The following GALNT17 variants were observed in gnomAD, a reference collection of about 807,000 sequenced individuals.
GALNT17 encodes UDP-GalNAc:polypeptide N-acetylgalactosaminyltransferase-like 3.
A neutral mutation model predicts 63.7 loss-of-function variants in GALNT17; 29 were observed. The observed-to-expected ratio is 0.46, with a 90% CI of 0.34 to 0.62. The LOEUF (loss-of-function observed/expected upper bound fraction) is 0.62. Among genes scored for constraint, GALNT17 ranks in the 20% least tolerant of loss-of-function variants. GALNT17 has a pLI of 0.01. For synonymous variants in GALNT17, 305 were observed against 318.3 expected (o/e 0.96, Z 0.45); for missense variants, 603 against 799.6 (o/e 0.75, Z 2.97).
intron 4 of GALNT17, among the ~76,000 whole-genome samples, chr7:71,417,327 G>A (rs1786553799): frequency 6.6e-6 from 1 of 152,152 alleles, no homozygotes; most frequent in Non-Finnish European, 1.5e-5. Context: ...CAGGGCCACT[G>A]ATAACACTGA....
chr7:71,350,355 A>G (rs1325915588), intron 2 of GALNT17, among the ~76,000 whole-genome samples: 1 of 152,184 alleles, frequency 6.6e-6, no homozygotes, highest in Non-Finnish European at 1.5e-5. Context: ...GAGACAGATG[A>G]TAAACTGGGA....
intron 5 of GALNT17, among the ~76,000 whole-genome samples, chr7:71,566,864 G>C (rs1378859445): frequency 6.6e-6 from 1 of 152,114 alleles, no homozygotes. Context: ...GGAAAGCCAG[G>C]ATTCCTGGGT....
At chr7:71,284,464 G>C (rs922339971) in intron 1 of GALNT17, 1 of 152,142 alleles carries the variant, frequency 6.6e-6, no homozygotes, top group Non-Finnish European at 1.5e-5. Flanking sequence ...CCAAAGTGCT[G>C]GGATTACAGG....
At chr7:71,524,743 T>C (rs1788596397) in intron 5 of GALNT17, among the ~76,000 whole-genome samples, 1 of 152,212 alleles carries the variant, frequency 6.6e-6, no homozygotes, top group South Asian at 2.1e-4. Context: ...GAAATTAACA[T>C]GGCCTTATTT....
At chr7:71,147,824 G>A (rs1045798944) in intron 1 of GALNT17, among the ~76,000 whole-genome samples, 13 of 151,896 alleles carry the variant, frequency 8.6e-5, no homozygotes, top group African/African-American at 3.1e-4. Context: ...GTAGAGATGA[G>A]GTTTCACTAT....
rs574515796 is a variant in GALNT17 at position 71,643,775 on chromosome 7, C to T, written c.1081-21636C>T. Among the ~76,000 whole-genome samples the T allele has an allele frequency of 7.0e-4, 107 of 151,950 alleles. 1 individual carries two copies. The highest frequency in any genetic ancestry group is 2.5e-3 in the African/African-American group (102 of 41,482). On this transcript the variant is annotated intron_variant, in intron 6 of 10. Coordinates refer to ENST00000333538, the MANE Select transcript of GALNT17 (RefSeq NM_022479.3). ...CCAGGCCTAGAAGATATGCCAGACA[C>T]GGTGTTAGGAGAGAAAGAACAAAGC...
At chr7:71,662,470 A>G (rs1172020170) in intron 6 of GALNT17, among the ~76,000 whole-genome samples, 2 of 152,242 alleles carry the variant, frequency 1.3e-5, no homozygotes, top group South Asian at 2.1e-4. Context: ...GAGCTGTGCA[A>G]AGTTCACCAC....
chr7:71,482,207 T>A (rs1222835139), intron 5 of GALNT17, among the ~76,000 whole-genome samples: 1 of 149,704 alleles, frequency 6.7e-6, no homozygotes, highest in Non-Finnish European at 1.5e-5. Context: ...TGGAGTGCAG[T>A]GGTGCGATCT....
At chr7:71,513,441 A>G (rs1788396244) in intron 5 of GALNT17, among the ~76,000 whole-genome samples, 1 of 151,730 alleles carries the variant, frequency 6.6e-6, no homozygotes, top group Non-Finnish European at 1.5e-5. Flanking sequence ...GCTGGAGTGC[A>G]GTGGCACCAT....
At chr7:71,643,055 C>T (rs1766595342) in intron 6 of GALNT17, among the ~76,000 whole-genome samples, 2 of 152,260 alleles carry the variant, frequency 1.3e-5, no homozygotes, top group Admixed American at 6.5e-5. Flanking sequence ...TGATGAACTT[C>T]GTCGATAGGA....
chr7:71,652,610 A>C (rs1232730273), intron 6 of GALNT17, among the ~76,000 whole-genome samples: 1 of 152,236 alleles, frequency 6.6e-6, no homozygotes, highest in Non-Finnish European at 1.5e-5. Context: ...GTTGTTGAGA[A>C]TCAGACAAAG....
chr7:71,160,451 A>G (rs572793185), intron 1 of GALNT17, among the ~76,000 whole-genome samples: 5 of 152,218 alleles, frequency 3.3e-5, no homozygotes, highest in East Asian at 3.9e-4. Flanking sequence ...ATTATAAACA[A>G]TGGTGTGATG....
intron 9 of GALNT17, among the ~76,000 whole-genome samples, chr7:71,685,123 G>A (rs1371030061): frequency 6.6e-6 from 1 of 152,126 alleles, no homozygotes; most frequent in Non-Finnish European, 1.5e-5. Context: ...GAGTCCTTCG[G>A]TGTTCTCCAG....
intron 6 of GALNT17, among the ~76,000 whole-genome samples, chr7:71,578,004 CATTT>C (rs60916222): frequency 0.02 from 2,810 of 143,264 alleles, 36 homozygotes; most frequent in East Asian, 0.046. Context: ...GGGTTGTTTA[CATTT>C]ATTTATTTAT....
chr7:71,222,284 T>C (rs1789600616), intron 1 of GALNT17, among the ~76,000 whole-genome samples: 1 of 152,096 alleles, frequency 6.6e-6, no homozygotes, highest in South Asian at 2.1e-4. Context: ...TCCCATATTG[T>C]AGTTCATTGT....
chr7:71,245,017 G>A (rs908459237), intron 1 of GALNT17, among the ~76,000 whole-genome samples: 1 of 152,048 alleles, frequency 6.6e-6, no homozygotes, highest in African/African-American at 2.4e-5. Context: ...AGAAATGGAT[G>A]TTTCTCAGGA....
intron 3 of GALNT17, among the ~76,000 whole-genome samples, chr7:71,400,849 G>A (rs1436603322): frequency 6.6e-6 from 1 of 152,166 alleles, no homozygotes; most frequent in Non-Finnish European, 1.5e-5. Context: ...TCCCTGCTCA[G>A]GTGACAAGAT....
intron 6 of GALNT17, among the ~76,000 whole-genome samples, chr7:71,624,922 A>G (rs1007329483): frequency 6.6e-6 from 1 of 152,194 alleles, no homozygotes; most frequent in African/African-American, 2.4e-5. Context: ...GAGCAATGAC[A>G]TCGTGCCATG....
intron 1 of GALNT17, among the ~76,000 whole-genome samples, chr7:71,328,687 G>A (rs970211421): frequency 1.3e-5 from 2 of 149,414 alleles, no homozygotes; most frequent in African/African-American, 5.0e-5. Flanking sequence ...GAACCTTTGT[G>A]GCAGATTAAG....
Sources: gnomAD v4.1 joint callset for allele counts (sites outside exome capture counted in the v4.1 genomes callset) on GRCh38, gnomAD v4.1.1 for gene constraint, MANE v1.5 for transcripts, NCBI Gene and HGNC (gene_info 2026-07-23, HGNC 2026-07-21) for gene names.